Variants in HAUS6 observed in about 807,000 individuals in gnomAD.
HAUS6 encodes HAUS augmin like complex subunit 6.
In HAUS6, 80 loss-of-function variants were observed where a neutral mutation model predicts 106.8. That is an observed-to-expected ratio of 0.75 (90% confidence interval 0.63 to 0.90). HAUS6 has a LOEUF of 0.90. Among genes scored for constraint, HAUS6 ranks in the 40% least tolerant of loss-of-function variants. The pLI, the probability that HAUS6 is intolerant of heterozygous loss-of-function variation, is 0.00. For missense variants in HAUS6, 1,155 were observed against 1,118.1 expected, an observed-to-expected ratio of 1.03 and a Z score of -0.47; for synonymous variants, 356 against 379.1, an observed-to-expected ratio of 0.94 and a Z score of 0.71.
At chr9:19,088,010 G>A (rs1817659471) in intron 5 of HAUS6, among the ~76,000 whole-genome samples, 1 of 152,122 alleles carries the variant, frequency 6.6e-6, no homozygotes, top group African/African-American at 2.4e-5. Flanking sequence ...ATGCTGCATA[G>A]ATGAACCTAA....
At chr9:19,083,956 T>G (rs182633274) in intron 7 of HAUS6, among the ~76,000 whole-genome samples, 6 of 147,244 alleles carry the variant, frequency 4.1e-5, no homozygotes, top group African/African-American at 1.5e-4. Flanking sequence ...AAAATTGATA[T>G]ACAAGAATAT....
At chr9:19,089,636 T>A in intron 4 of HAUS6, 77 bp from the exon 5 acceptor site, 1 of 1,038,246 alleles carries the variant, frequency 9.6e-7, no homozygotes, top group Non-Finnish European at 1.4e-6. Flanking sequence ...AACATTAGTG[T>A]CACTAACGTT....
At chr9:19,088,987 A>C (rs1036466699) in intron 5 of HAUS6, among the ~76,000 whole-genome samples, 3 of 152,188 alleles carry the variant, frequency 2.0e-5, no homozygotes, top group Admixed American at 2.0e-4. Flanking sequence ...TCATGTCTGT[A>C]ATCTCAGCAC....
At chr9:19,082,022 AAT>A (rs1237805136) in intron 8 of HAUS6, among the ~76,000 whole-genome samples, 1 of 152,222 alleles carries the variant, frequency 6.6e-6, no homozygotes, top group African/African-American at 2.4e-5. Flanking sequence ...CTATCCAGAT[AAT>A]GTCCCATAAG....
chr9:19,086,809 G>C (rs1260974368), intron 6 of HAUS6, 27 bp from the exon 7 acceptor site: 1 of 915,942 alleles, frequency 1.1e-6, no homozygotes, highest in African/African-American at 1.7e-5. Context: ...AATCTAATTA[G>C]TCATATTAAA....
At chr9:19,098,962 C>T (rs1363259962) in intron 1 of HAUS6, among the ~76,000 whole-genome samples, 1 of 139,726 alleles carries the variant, frequency 7.2e-6, no homozygotes, top group Non-Finnish European at 1.5e-5. Context: ...GCGGAGGTTG[C>T]GGTGAGGTCA....
rs1033383068 is a variant in HAUS6 at position 19,094,352 on chromosome 9, G to A, written c.268C>T (p.Arg90Ter). The change falls in exon 3 of 17, where the codon CGA becomes TGA. Residue 90 changes from arginine (R) to a stop codon, truncating the protein, a stop_gained. Transcript: ENST00000380502. LOFTEE classifies it high-confidence loss of function. ...PFDQKSDTEF[R>*]KHCCEWIKRI... Reference sequence around the variant, plus strand: ...TTTATCCATTCACAGCAATGTTTTCGGAATTCAGTGTCACTTTTTTGGTCA... The same window carrying A: ...TTTATCCATTCACAGCAATGTTTTCAGAATTCAGTGTCACTTTTTTGGTCA... 2.5e-6 allele frequency: 4 copies of A among 1,607,148 alleles called. No individual in the cohort carries two copies. The highest frequency in any genetic ancestry group is 1.3e-5 in the African/African-American group (1 of 74,570).
intron 1 of HAUS6, 61 bp downstream of exon 1, chr9:19,102,463 G>C (rs1337251471): frequency 1.3e-6 from 2 of 1,560,028 alleles, no homozygotes; most frequent in Non-Finnish European, 1.8e-6. Context: ...CTACAAAAGG[G>C]GGAGTCCCCC....
At position 19,087,352 on chromosome 9, in the gene HAUS6, A is replaced by G. The variant is rs149686484; in HGVS notation, c.585-196T>C. 4.2e-3 allele frequency among the ~76,000 whole-genome samples: 633 copies of G among 152,284 alleles called. 3 individuals are homozygous for G. The highest frequency in any genetic ancestry group is 0.015 in the African/African-American group (608 of 41,562). On this transcript the variant is annotated intron_variant, in intron 5 of 16. Transcript: ENST00000380502. ...TCCTATTGAGATGGACCTAGGACTCATAGGTTAGTATATCCTCTCCGATTA... is the reference window on the plus strand; with the variant it reads ...TCCTATTGAGATGGACCTAGGACTCGTAGGTTAGTATATCCTCTCCGATTA...
At chr9:19,078,118 C>CAAAA (rs375071190) in intron 10 of HAUS6, 58 bp downstream of exon 10, 9 of 1,069,698 alleles carry the variant, frequency 8.4e-6, no homozygotes, top group Admixed American at 2.6e-5. Flanking sequence ...GACACTGTCT[C>CAAAA]AAAAAAAAAA....
At chr9:19,063,617 G>T (rs771918806) in intron 12 of HAUS6, 37 bp from the exon 13 acceptor site, 1 of 1,379,838 alleles carries the variant, frequency 7.2e-7, no homozygotes, top group South Asian at 1.2e-5. Flanking sequence ...AAGTTATAAG[G>T]AGAAAAGAAT....
intron 15 of HAUS6, 91 bp downstream of exon 15, chr9:19,059,997 G>T: frequency 1.0e-6 from 1 of 965,768 alleles, no homozygotes; most frequent in Non-Finnish European, 1.6e-6. Flanking sequence ...ACAGCCTTTG[G>T]CAACTCAGCT....
chr9:19,084,369 GTAAAC>G (rs1837237029), intron 7 of HAUS6, among the ~76,000 whole-genome samples: 1 of 152,196 alleles, frequency 6.6e-6, no homozygotes, highest in South Asian at 2.1e-4. Flanking sequence ...GGCAAACAGT[GTAAAC>G]TAAACAGGTT....
rs2131094502 is a variant in HAUS6 at position 19,058,019 on chromosome 9, C to T, written c.2748G>A (p.Val916=). The change falls in exon 16 of 17, where the codon GTG becomes GTA. Residue 916 remains valine (V), a synonymous_variant. Coordinates refer to ENST00000380502, the MANE Select transcript of HAUS6 (RefSeq NM_017645.5). ...SLSPLIKFSP[V]EQRLRTTIAC... ...CTATTGTGGTTCTCAATCTTTGTTC[C>T]ACTGGAGAAAACTTAATTAGTGGTG... 1 of 1,612,226 alleles carries T rather than the reference C, an allele frequency of 6.2e-7. No individual in the cohort carries two copies. The highest frequency in any genetic ancestry group is 8.5e-7 in the Non-Finnish European group (1 of 1,178,350).
intron 12 of HAUS6, among the ~76,000 whole-genome samples, chr9:19,066,425 G>C (rs893075123): frequency 3.3e-5 from 5 of 152,064 alleles, no homozygotes; most frequent in African/African-American, 1.2e-4. Flanking sequence ...TATGAGACTA[G>C]AATTCAATTT....
intron 1 of HAUS6, 75 bp downstream of exon 1, chr9:19,102,449 G>C: frequency 1.4e-6 from 2 of 1,481,422 alleles, no homozygotes; most frequent in East Asian, 4.6e-5. Flanking sequence ...TCAACCTCCG[G>C]GGTCTACAAA....
chr9:19,059,702 T>C (rs570154255), intron 15 of HAUS6, among the ~76,000 whole-genome samples: 1 of 152,272 alleles, frequency 6.6e-6, no homozygotes, highest in East Asian at 1.9e-4. Context: ...TCCGCACACA[T>C]GGTTTATGGC....
chr9:19,093,057 A>G (rs1194972819), intron 4 of HAUS6, 114 bp downstream of exon 4: 3 of 750,160 alleles, frequency 4.0e-6, no homozygotes, highest in Admixed American at 3.1e-5. Flanking sequence ...TTTGGGGTAC[A>G]TTAATGTTTT....
intron 12 of HAUS6, among the ~76,000 whole-genome samples, chr9:19,067,116 T>C (rs1165566696): frequency 6.6e-6 from 1 of 152,210 alleles, no homozygotes; most frequent in Non-Finnish European, 1.5e-5. Context: ...AAAAACTACA[T>C]TCTTTCCATG....
Sources: gnomAD v4.1 joint callset for allele counts (sites outside exome capture counted in the v4.1 genomes callset) on GRCh38, gnomAD v4.1.1 for gene constraint, MANE v1.5 for transcripts, NCBI Gene and HGNC (gene_info 2026-07-23, HGNC 2026-07-21) for gene names.